Variants in HIVEP2 observed in about 807,000 individuals in gnomAD.
The protein encoded by HIVEP2 is transcription factor HIVEP2.
A neutral mutation model predicts 180.7 loss-of-function variants in HIVEP2; 14 were observed. The observed-to-expected ratio is 0.08, with a 90% CI of 0.05 to 0.12. The LOEUF (loss-of-function observed/expected upper bound fraction) is 0.12, where lower values mean the gene tolerates loss of function less well. Among genes scored for constraint, HIVEP2 ranks in the 10% least tolerant of loss-of-function variants. The pLI, the probability that HIVEP2 is intolerant of heterozygous loss-of-function variation, is 1.00. For missense variants in HIVEP2, 2,579 were observed against 3,008.5 expected (o/e 0.86, Z 3.34); for synonymous variants, 1,184 against 1,136.4 (o/e 1.04, Z -0.84).
intron 1 of HIVEP2, among the ~76,000 whole-genome samples, chr6:142,944,235 G>C (rs1314998436): frequency 6.6e-6 from 1 of 151,990 alleles, no homozygotes; most frequent in African/African-American, 2.4e-5. Flanking sequence ...GGTTGGGGTC[G>C]CATTTTCTCA....
chr6:142,770,062 AG>A lies in HIVEP2; in HGVS notation c.4676del (p.Pro1559LeufsTer11). 1 of 1,614,202 alleles carries A rather than the reference AG, an allele frequency of 6.2e-7. No homozygotes were observed. The highest frequency in any genetic ancestry group is 8.5e-7 in the Non-Finnish European group (1 of 1,180,042). On this transcript the variant is annotated frameshift_variant, in exon 5 of 10. Coordinates refer to ENST00000367603, the MANE Select transcript of HIVEP2 (RefSeq NM_006734.4). LOFTEE classifies it high-confidence loss of function. The surrounding 1 kb of genome is among the most constrained non-coding windows in gnomAD (Gnocchi z 4.7). ...APLPGQKSSG[P>X]SESKESSDEL... ...CATCTGAAGATTCTTTGCTTTCAGA[AG>A]GCCCACTGGACTTCTGCCCCGGAAG... is the stretch of plus-strand genomic sequence containing the variant.
chr6:142,873,241 A>G (rs1345734809), intron 1 of HIVEP2, among the ~76,000 whole-genome samples: 1 of 152,202 alleles, frequency 6.6e-6, no homozygotes, highest in African/African-American at 2.4e-5. Flanking sequence ...GAAATCCTTT[A>G]TATCTACTCA....
Position 142,753,139 on chromosome 6 carries a change from CT to C in HIVEP2, c.7308del (p.Asp2437IlefsTer13), listed in dbSNP as rs1774961828. 6.2e-7 allele frequency: 1 copy of C among 1,610,718 alleles called. No individual in the cohort carries two copies. Among genetic ancestry groups the C allele is most frequent in the African/African-American group, 1.3e-5 (1 of 74,854 alleles). On this transcript the variant is annotated frameshift_variant, in exon 10 of 10. Coordinates refer to ENST00000367603, the MANE Select transcript of HIVEP2 (RefSeq NM_006734.4). LOFTEE classifies it high-confidence loss of function. ...KELSSSTEES[K>X]DPSSEKSQLH ...AGCTGACTCTTTTCTGATGAAGGAT[CT>C]TTGCTTTCCTCTGTGCTTGAAGATA...
rs973321470 is a variant in HIVEP2, at chr6:142,912,616, T to C, written c.-641+32483A>G. Among the ~76,000 whole-genome samples, 6 of 152,380 alleles carry C rather than the reference T, an allele frequency of 3.9e-5. 1 individual carries two copies. The East Asian group carries it at 1.2e-3, about 29-fold the overall frequency. ...TGAGTGGTGGGCAAGCGAGCATTACTGCCTGAGCTCCACCTCCTATCAGAG... is the reference window on the plus strand; with the variant it reads ...TGAGTGGTGGGCAAGCGAGCATTACCGCCTGAGCTCCACCTCCTATCAGAG... On this transcript the variant is annotated intron_variant, in intron 1 of 9. Coordinates refer to ENST00000367603, the MANE Select transcript of HIVEP2 (RefSeq NM_006734.4).
At chr6:142,876,547 G>C (rs1245812796) in intron 1 of HIVEP2, among the ~76,000 whole-genome samples, 1 of 152,118 alleles carries the variant, frequency 6.6e-6, no homozygotes, top group Non-Finnish European at 1.5e-5. Flanking sequence ...AGAGGAATAG[G>C]CCATAGGGAC....
chr6:142,886,329 A>G lies in HIVEP2; in HGVS notation c.-640-49282T>C, dbSNP rs77944216. On this transcript the variant is annotated intron_variant, in intron 1 of 9. Transcript: ENST00000367603. ...TTTTTTAAATTTTATGAGGAGGGAA[A>G]TAACTTTTTATATGTATAACCATTT... 2.3e-3 allele frequency among the ~76,000 whole-genome samples: 351 copies of G among 152,326 alleles called. 2 individuals carry two copies. The highest frequency in any genetic ancestry group is 3.5e-3 in the Non-Finnish European group (237 of 68,024).
intron 1 of HIVEP2, among the ~76,000 whole-genome samples, chr6:142,940,445 T>C (rs1778148928): frequency 6.6e-6 from 1 of 152,216 alleles, no homozygotes; most frequent in African/African-American, 2.4e-5. Context: ...AATTTCAAGG[T>C]CCTACCCCTC....
At chr6:142,945,508 T>C (rs917683308), upstream of HIVEP2, among the ~76,000 whole-genome samples, 87 of 152,040 alleles carry the variant, frequency 5.7e-4, 2 homozygotes, top group African/African-American at 4.6e-4. This position sits in a 1 kb window ranked among gnomAD's most constrained non-coding sequence, Gnocchi z 5.5. Flanking sequence ...AGGAGGGACC[T>C]AGATTCCCGC....
chr6:142,944,365 C>G (rs960982521), intron 1 of HIVEP2, among the ~76,000 whole-genome samples: 1 of 147,888 alleles, frequency 6.8e-6, no homozygotes, highest in Non-Finnish European at 1.5e-5. Context: ...GAGTCCACCC[C>G]CCCCCCCCAC....
At position 142,773,361 on chromosome 6, in the gene HIVEP2, GTAATGGTTCCAT is replaced by G. The variant is rs757899821; in HGVS notation, c.1366_1377del (p.Met456_Leu459del). ...ACATCTAACCTGGTGTTAACGTGAG[GTAATGGTTCCAT>G]TATGCCCTTCCTACCCATTGCGGCA... On this transcript the variant is annotated inframe_deletion, in exon 5 of 10. Coordinates refer to ENST00000367603, the MANE Select transcript of HIVEP2 (RefSeq NM_006734.4). 3.7e-6 allele frequency: 6 copies of G among 1,614,150 alleles called. No individual in the cohort carries two copies. Among genetic ancestry groups the G allele is most frequent in the Admixed American group, 3.3e-5 (2 of 60,016 alleles).
rs568078067 is a variant in HIVEP2 at position 142,775,997 on chromosome 6, A to G, written c.-388+150T>C. On this transcript the variant is annotated intron_variant, in intron 4 of 9. Coordinates refer to ENST00000367603, the MANE Select transcript of HIVEP2 (RefSeq NM_006734.4). Reference sequence around the variant, plus strand: ...TATATTTTACAGCTTAAAATCAGTGATTAATAAAATGACATCAAGGCTATA... The same window carrying G: ...TATATTTTACAGCTTAAAATCAGTGGTTAATAAAATGACATCAAGGCTATA... 3.2e-4 allele frequency: 48 copies of G among 152,128 alleles called. 1 individual carries two copies. In the South Asian group the frequency reaches 9.7e-3, roughly 31 times the overall value. 9.4% of individuals were successfully genotyped at this position (152,128 alleles called of 1,614,324 possible).
chr6:142,753,058 AAC>A lies in HIVEP2; in HGVS notation c.*47_*48del. The A allele has an allele frequency of 7.4e-6, 9 of 1,220,348 alleles. No homozygotes were observed. Among genetic ancestry groups the A allele is most frequent in the Non-Finnish European group, 7.3e-6 (6 of 827,024 alleles). 75.6% of individuals were successfully genotyped at this position (1,220,348 alleles called of 1,614,324 possible). On this transcript the variant is annotated 3_prime_UTR_variant, in exon 10 of 10. Coordinates refer to ENST00000367603, the MANE Select transcript of HIVEP2 (RefSeq NM_006734.4). ...TTACCTCCATTTCTAGAAAAACAAA[AAC>A]AAAAAAATGGGAAAATGTGGAAATG...
chr6:142,885,560 T>G (rs1045191885), intron 1 of HIVEP2, among the ~76,000 whole-genome samples: 1 of 152,142 alleles, frequency 6.6e-6, no homozygotes, highest in Non-Finnish European at 1.5e-5. Context: ...GGAGACCTGA[T>G]GGAAGCGAGT....
In HIVEP2 at chr6:142,783,130, C is replaced by CTTT. The variant is rs1338576824; in HGVS notation, c.-433+390_-433+391insAAA. Among the ~76,000 whole-genome samples the CTTT allele has an allele frequency of 4.1e-3, 623 of 152,032 alleles. 5 individuals carry two copies. The highest frequency in any genetic ancestry group is 0.014 in the African/African-American group (567 of 41,496). ...GGAGGCCGAGGTCAAGAGATCGAGA[C>CTTT]CATCCTGGCCAACATGGTGAAACCC... On this transcript the variant is annotated intron_variant, in intron 3 of 9. Transcript: ENST00000367603.
intron 1 of HIVEP2, among the ~76,000 whole-genome samples, chr6:142,902,987 G>A (rs567178851): frequency 1.2e-4 from 18 of 152,322 alleles, no homozygotes; most frequent in African/African-American, 3.8e-4. Flanking sequence ...AACTACTAAC[G>A]CTACTTTGGA....
chr6:142,832,343 A>G lies in HIVEP2; in HGVS notation c.-528+4592T>C, dbSNP rs376221252. On this transcript the variant is annotated intron_variant, in intron 2 of 9. Coordinates refer to ENST00000367603, the MANE Select transcript of HIVEP2 (RefSeq NM_006734.4). ...AATAAAGAAGACACAAGCAATTTAC[A>G]GTGCAGGCATATGACAGGAAAACTT... 8.9e-4 allele frequency among the ~76,000 whole-genome samples: 136 copies of G among 152,296 alleles called. 1 individual carries two copies. Among genetic ancestry groups the G allele is most frequent in the African/African-American group, 3.1e-3 (127 of 41,560 alleles).
At chr6:142,879,735 TC>T (rs1469883463) in intron 1 of HIVEP2, among the ~76,000 whole-genome samples, 1 of 152,044 alleles carries the variant, frequency 6.6e-6, no homozygotes, top group Non-Finnish European at 1.5e-5. Context: ...ATTAACACCC[TC>T]CCCAGGCTTC....
At chr6:142,793,653 T>TTTCC (rs1776201306) in intron 2 of HIVEP2, among the ~76,000 whole-genome samples, 1 of 63,342 alleles carries the variant, frequency 1.6e-5, no homozygotes, top group Non-Finnish European at 3.3e-5. Flanking sequence ...TCTTTCTTTC[T>TTTCC]TTCTTTTTTC....
Position 142,769,821 on chromosome 6 carries a change from T to A in HIVEP2, c.4918A>T (p.Ser1640Cys). Residue 1640 changes from serine to cysteine, a missense_variant, in exon 5 of 10, where the codon AGT (serine) becomes TGT (cysteine). Ser to Cys is a moderately radical substitution (Grantham distance 112). Transcript: ENST00000367603. ...CTCACAGTAGTTGTTGTCCGCAGAC[T>A]GGGGAACTGAAGAATCTGCTGGAAA... ...ADFQQILQFPSLRTTTTVSWC... is the reference protein window; with the variant it reads ...ADFQQILQFPCLRTTTTVSWC... The A allele has an allele frequency of 6.2e-7, 1 of 1,614,210 alleles. No homozygotes were observed. The highest frequency in any genetic ancestry group is 1.1e-5 in the South Asian group (1 of 91,092).
Sources: allele counts gnomAD v4.1 joint callset (sites outside exome capture counted in the v4.1 genomes callset), GRCh38; gene constraint gnomAD v4.1.1; non-coding constraint Gnocchi (gnomAD v3.1); transcripts MANE v1.5; gene names NCBI Gene and HGNC (gene_info 2026-07-23, HGNC 2026-07-21).